The following TNRC18 variants were observed in gnomAD, a reference collection of about 807,000 sequenced individuals.
TNRC18 encodes trinucleotide repeat containing 18, also known as trinucleotide repeat-containing gene 18 protein.
In TNRC18, 69 loss-of-function variants were observed where a neutral mutation model predicts 226.7. The ratio of observed to expected loss-of-function variants is 0.30; its 90% CI spans 0.25 to 0.37. The LOEUF is 0.37. Among genes scored for constraint, TNRC18 ranks in the 10% least tolerant of loss-of-function variants. The pLI is 1.00. For missense variants in TNRC18, 4,754 were observed against 4,256.6 expected (o/e 1.12, Z -3.25); for synonymous variants, 2,449 against 1,927.6 (o/e 1.27, Z -7.09).
chr7:5,423,205 GC>G (rs1485348560), intron 1 of TNRC18: 2 of 152,202 alleles, frequency 1.3e-5, no homozygotes, highest in Admixed American at 1.3e-4. Flanking sequence ...GGCCAGGAGG[GC>G]CGGAGCGGGG....
chr7:5,346,164 G>A (rs1487638382), intron 17 of TNRC18, among the ~76,000 whole-genome samples: 2 of 152,248 alleles, frequency 1.3e-5, no homozygotes, highest in South Asian at 2.1e-4. Flanking sequence ...ACGCGCACAC[G>A]CCCCAACACA....
intron 17 of TNRC18, among the ~76,000 whole-genome samples, chr7:5,348,710 G>T (rs976792829): frequency 6.6e-6 from 1 of 152,070 alleles, no homozygotes; most frequent in African/African-American, 2.4e-5. Context: ...TGTTAAGAGG[G>T]TGAGAGGGGA....
At chr7:5,311,336 C>T (rs551972810) in intron 27 of TNRC18, among the ~76,000 whole-genome samples, 153 of 152,362 alleles carry the variant, frequency 1.0e-3, no homozygotes, top group Non-Finnish European at 1.4e-3. Flanking sequence ...CACGGGACCC[C>T]GACCTGGCCA....
intron 2 of TNRC18, among the ~76,000 whole-genome samples, chr7:5,408,162 G>C (rs1376897092): frequency 6.6e-6 from 1 of 152,070 alleles, no homozygotes; most frequent in African/African-American, 2.4e-5. Context: ...AGCTGGGCGT[G>C]GTGGCGCGCG....
At position 5,331,659 on chromosome 7, in the gene TNRC18, C is replaced by T. The variant is rs1343852101; in HGVS notation, c.6147+963G>A. Among the ~76,000 whole-genome samples, 3 of 152,170 alleles carry T rather than the reference C, an allele frequency of 2.0e-5. No individual in the cohort carries two copies. In the South Asian group the frequency reaches 6.2e-4, roughly 32 times the overall value. ...AGCACTAGCCGGGTGCAGTGGCTCA[C>T]GCCTGGAATCTCAACACTTTGAGAG... On this transcript the variant is annotated intron_variant, in intron 19 of 29. Coordinates refer to ENST00000430969, the MANE Select transcript of TNRC18 (RefSeq NM_001080495.3).
chr7:5,316,302 A>AAG (rs1491018028), intron 24 of TNRC18, among the ~76,000 whole-genome samples: 1 of 91,344 alleles, frequency 1.1e-5, no homozygotes, highest in Non-Finnish European at 2.0e-5. Context: ...TTTTTGAGAC[A>AAG]GAGTTTCGCT....
rs777962515 is a variant in TNRC18, at chr7:5,387,625, GA to G, written c.2152+46del. 2.6e-5 allele frequency: 41 copies of G among 1,595,180 alleles called. No homozygotes were observed. In the African/African-American group the frequency reaches 5.2e-4, roughly 20 times the overall value. ...ACACTGTAATGTACGGGAAACGGCA[GA>G]GAGACCCAAGATCCTACCCGCACCT... On this transcript the variant is annotated intron_variant, in intron 5 of 29. Coordinates refer to ENST00000430969, the MANE Select transcript of TNRC18 (RefSeq NM_001080495.3).
chr7:5,333,974 G>C (rs1789823599), intron 18 of TNRC18, among the ~76,000 whole-genome samples: 1 of 152,196 alleles, frequency 6.6e-6, no homozygotes, highest in Admixed American at 6.5e-5. Context: ...GGTCAGAGCT[G>C]GTGTCCAGGA....
At chr7:5,411,835 A>G (rs141364355) in intron 2 of TNRC18, among the ~76,000 whole-genome samples, 1 of 152,274 alleles carries the variant, frequency 6.6e-6, no homozygotes, top group Admixed American at 6.5e-5. Context: ...GAAATCTCCA[A>G]AAAAAACAAA....
In TNRC18 at chr7:5,356,823, TGA is replaced by T. The variant is rs1197464888; in HGVS notation, c.5194+91_5194+92del. The T allele has an allele frequency of 3.4e-5, 43 of 1,261,252 alleles. 1 individual carries two copies. The highest frequency in any genetic ancestry group is 2.8e-4 in the Middle Eastern group (1 of 3,594). The allele number at this position is 1,261,252 out of a possible 1,614,324, so 78.1% of individuals were successfully genotyped here. ...GAGAGAGCGAGAGCGAGAGAGAGAG[TGA>T]GGGGCGGGGGGGGAAGGAGGACGGT... On this transcript the variant is annotated intron_variant, in intron 16 of 29. Coordinates refer to ENST00000430969, the MANE Select transcript of TNRC18 (RefSeq NM_001080495.3).
rs759416520 is a variant in TNRC18 at position 5,370,927 on chromosome 7, C to T, written c.3667G>A (p.Val1223Met). 31 of 1,605,426 alleles carry T rather than the reference C, an allele frequency of 1.9e-5. No homozygotes were observed. Among genetic ancestry groups the T allele is most frequent in the East Asian group, 2.2e-5 (1 of 44,876 alleles). Residue 1223 changes from valine to methionine, a missense_variant, in exon 11 of 30, where the codon GTG becomes ATG. Physicochemically the swap from Val to Met is conservative, Grantham distance 21. Coordinates refer to ENST00000430969, the MANE Select transcript of TNRC18 (RefSeq NM_001080495.3). ...TCCACCCGTGGTTCAGGCCCCTCCA[C>T]AAAGTCTGGACACTCAGAGGGCTCT... is the stretch of plus-strand genomic sequence containing the variant. ...CAEPSECPDFVEGPEPRVDSP... is the reference protein window; with the variant it reads ...CAEPSECPDFMEGPEPRVDSP...
rs1134560 is a variant in TNRC18 at position 5,324,398 on chromosome 7, A to G, written c.6301-43T>C. ...CCGACAAATGACTTAGGACCTGAACAGGGGTCCTGCCGGGTTGGGGACCCT... is the reference window on the plus strand; with the variant it reads ...CCGACAAATGACTTAGGACCTGAACGGGGGTCCTGCCGGGTTGGGGACCCT... On this transcript the variant is annotated intron_variant, in intron 20 of 29. Transcript: ENST00000430969. The surrounding 1 kb of genome is among the most constrained non-coding windows in gnomAD (Gnocchi z 4.8). 6.2e-6 allele frequency: 10 copies of G among 1,604,824 alleles called. No individual in the cohort carries two copies. Among genetic ancestry groups the G allele is most frequent in the East Asian group, 2.2e-5 (1 of 44,734 alleles).
Position 5,394,419 on chromosome 7 carries a change from C to G in TNRC18, c.343+21G>C, listed in dbSNP as rs376438023. The G allele has an allele frequency of 1.6e-4, 244 of 1,513,384 alleles. 2 individuals are homozygous for G. The African/African-American group carries it at 2.9e-3, about 18-fold the overall frequency. 93.7% of individuals were successfully genotyped at this position (1,513,384 alleles called of 1,614,324 possible). On this transcript the variant is annotated intron_variant, in intron 3 of 29. Transcript: ENST00000430969. The surrounding 1 kb of genome is among the most constrained non-coding windows in gnomAD (Gnocchi z 4.5). ...ACGTCAGCCCAGCAGCCCTCAGCCC[C>G]GACCCCGGCATGTTCCTTACCTTCA...
rs545327016 is a variant in TNRC18 at position 5,371,270 on chromosome 7, G to A, written c.3324C>T (p.Asp1108=). 8.5e-5 allele frequency: 136 copies of A among 1,592,234 alleles called. No homozygotes were observed. The East Asian group carries it at 1.5e-3, about 18-fold the overall frequency. Residue 1108 remains aspartate, a synonymous_variant, in exon 11 of 30, where the codon GAC becomes GAT. Transcript: ENST00000430969. ...GGAGCGGCACATCAGGGGCCAAGCCGTCCGCGTCGGCGGCGGCCGTGGGCT... is the reference window on the plus strand; with the variant it reads ...GGAGCGGCACATCAGGGGCCAAGCCATCCGCGTCGGCGGCGGCCGTGGGCT... ...LLQPTAAADA[D]GLAPDVPLPA...
intron 2 of TNRC18, among the ~76,000 whole-genome samples, chr7:5,419,009 G>C (rs908674775): frequency 2.6e-5 from 4 of 152,224 alleles, no homozygotes; most frequent in African/African-American, 7.2e-5. Context: ...GGGGGCGGCA[G>C]CTGTCCTCCT....
intron 11 of TNRC18, among the ~76,000 whole-genome samples, chr7:5,365,714 A>C (rs966965491): frequency 6.6e-6 from 1 of 152,060 alleles, no homozygotes; most frequent in African/African-American, 2.4e-5. Flanking sequence ...GCAGCCTCCC[A>C]AAGTACTGGG....
At position 5,377,317 on chromosome 7, in the gene TNRC18, C is replaced by CCCCCCCCCCCCCCCCCCCCA; in HGVS notation, c.2461+53_2461+54insTGGGGGGGGGGGGGGGGGGG. 1.0e-6 allele frequency: 1 copy of CCCCCCCCCCCCCCCCCCCCA among 997,234 alleles called. No homozygotes were observed. Among genetic ancestry groups the CCCCCCCCCCCCCCCCCCCCA allele is most frequent in the Non-Finnish European group, 1.5e-6 (1 of 676,690 alleles). 61.8% of individuals were successfully genotyped at this position (997,234 alleles called of 1,614,324 possible). ...GCCCTGAGCTCTTGTCCTGCACCCGCCCCCTCCCACCCCTCCCTCAGAGAA... is the reference window on the plus strand; with the variant it reads ...GCCCTGAGCTCTTGTCCTGCACCCGCCCCCCCCCCCCCCCCCCCCACCCCTCCCACCCCTCCCTCAGAGAA... On this transcript the variant is annotated intron_variant, in intron 7 of 29. Transcript: ENST00000430969. The surrounding 1 kb of genome is among the most constrained non-coding windows in gnomAD (Gnocchi z 5.8).
At chr7:5,330,853 T>A (rs1789455897) in intron 19 of TNRC18, among the ~76,000 whole-genome samples, 1 of 152,094 alleles carries the variant, frequency 6.6e-6, no homozygotes, top group African/African-American at 2.4e-5. Flanking sequence ...TTTGTATTTT[T>A]TAGTAGAGAC....
chr7:5,420,537 C>T (rs779497465), intron 2 of TNRC18: 35 of 445,006 alleles, frequency 7.9e-5, no homozygotes, highest in African/African-American at 6.4e-4. Context: ...GGTCACCGTA[C>T]TCCCGCATCC....
Sources: allele counts gnomAD v4.1 joint callset (sites outside exome capture counted in the v4.1 genomes callset), GRCh38; gene constraint gnomAD v4.1.1; non-coding constraint Gnocchi (gnomAD v3.1); transcripts MANE v1.5; gene names NCBI Gene and HGNC (gene_info 2026-07-23, HGNC 2026-07-21).